Variants in TNR observed in about 807,000 individuals in gnomAD.
The protein encoded by TNR is tenascin-R.
Under a neutral mutation model 150.4 loss-of-function variants are expected in TNR, and 45 were observed. The ratio of observed to expected loss-of-function variants is 0.30; its 90% confidence interval spans 0.24 to 0.38. TNR has a LOEUF of 0.38. TNR is among the 10% of genes least tolerant of loss of function. The pLI is 1.00. For synonymous variants in TNR, 687 were observed against 678.4 expected, an observed-to-expected ratio of 1.01 and a Z score of -0.20; for missense variants, 1,544 against 1,759.1, an observed-to-expected ratio of 0.88 and a Z score of 2.19.
chr1:175,331,078 C>CTTTCTTTCTTTCTTTCTTTCT (rs57439733), intron 20 of TNR, among the ~76,000 whole-genome samples: 1 of 59,916 alleles, frequency 1.7e-5, no homozygotes, highest in African/African-American at 6.3e-5. Flanking sequence ...TCTTTCTTTC[C>CTTTCTTTCTTTCTTTCTTTCT]TTCTTTCTTT....
intron 2 of TNR, among the ~76,000 whole-genome samples, chr1:175,439,734 C>G (rs1655691764): frequency 6.6e-6 from 1 of 152,286 alleles, no homozygotes; most frequent in East Asian, 1.9e-4. Context: ...AGACACTTCT[C>G]AAAAGAAGAC....
chr1:175,727,321 A>G (rs1173519668), intron 1 of TNR, among the ~76,000 whole-genome samples: 6 of 152,270 alleles, frequency 3.9e-5, no homozygotes, highest in African/African-American at 1.4e-4. Flanking sequence ...AATAATGCTG[A>G]GAGGCCAAGT....
intron 18 of TNR, among the ~76,000 whole-genome samples, chr1:175,354,183 G>C (rs1385966941): frequency 6.6e-6 from 1 of 152,186 alleles, no homozygotes; most frequent in African/African-American, 2.4e-5. Context: ...TAATTGGTCC[G>C]GGTGGATCAG....
intron 2 of TNR, among the ~76,000 whole-genome samples, chr1:175,504,298 C>T (rs1430411393): frequency 1.3e-5 from 2 of 152,100 alleles, no homozygotes; most frequent in Non-Finnish European, 2.9e-5. Context: ...CTCTGTATCC[C>T]TTACAATACT....
intron 2 of TNR, among the ~76,000 whole-genome samples, chr1:175,480,284 C>T (rs1657724238): frequency 7.4e-6 from 1 of 134,410 alleles, no homozygotes; most frequent in South Asian, 2.3e-4. Flanking sequence ...AGAGGGAGGG[C>T]TGGACATAGT....
At chr1:175,542,904 A>G (rs980367054) in intron 1 of TNR, among the ~76,000 whole-genome samples, 10 of 152,246 alleles carry the variant, frequency 6.6e-5, no homozygotes, top group Non-Finnish European at 7.3e-5. Context: ...AAGCATTGAT[A>G]TATTTCTAGT....
In TNR at chr1:175,355,661, T is replaced by C. The variant is rs1327382098; in HGVS notation, c.3119-28A>G. ...GCAAAGAGGAGAAAGTGCCAGGGCATGCCTGCCTCTCCAGCTCCTCCCCCT... is the reference window on the plus strand; with the variant it reads ...GCAAAGAGGAGAAAGTGCCAGGGCACGCCTGCCTCTCCAGCTCCTCCCCCT... On this transcript the variant is annotated intron_variant, in intron 16 of 22. Coordinates refer to ENST00000367674, the MANE Select transcript of TNR (RefSeq NM_003285.3). 3.1e-6 allele frequency: 5 copies of C among 1,612,432 alleles called. No individual in the cohort carries two copies. In the South Asian group the frequency reaches 4.4e-5, roughly 14 times the overall value.
chr1:175,419,180 C>T lies in TNR; in HGVS notation c.-63-12403G>A, dbSNP rs189203172. On this transcript the variant is annotated intron_variant, in intron 2 of 22. Transcript: ENST00000367674. ...TTTTGCTCTCCATTAAGTTATACTG[C>T]ATCATCTTTGTTCATTATTGTTAAA... 6.9e-4 allele frequency among the ~76,000 whole-genome samples: 105 copies of T among 152,286 alleles called. 1 individual carries two copies. The highest frequency in any genetic ancestry group is 2.4e-3 in the African/African-American group (100 of 41,556).
intron 19 of TNR, 35 bp downstream of exon 19, chr1:175,337,493 C>A: frequency 6.2e-7 from 1 of 1,611,382 alleles, no homozygotes; most frequent in Non-Finnish European, 8.5e-7. Flanking sequence ...ACACTGAGGA[C>A]GCTTCTGTGC....
At chr1:175,590,467 G>C (rs982147732) in intron 1 of TNR, among the ~76,000 whole-genome samples, 1 of 152,206 alleles carries the variant, frequency 6.6e-6, no homozygotes, top group Non-Finnish European at 1.5e-5. Context: ...TGGTCCTGTT[G>C]AGGCATTGGT....
chr1:175,655,494 G>A (rs771529598), intron 1 of TNR, among the ~76,000 whole-genome samples: 7 of 152,210 alleles, frequency 4.6e-5, no homozygotes, highest in African/African-American at 1.7e-4. Context: ...TTCAGACCCA[G>A]ATCTGTGGGA....
chr1:175,700,039 T>C (rs1386643518), intron 1 of TNR, among the ~76,000 whole-genome samples: 1 of 146,838 alleles, frequency 6.8e-6, no homozygotes, highest in Non-Finnish European at 1.5e-5. Flanking sequence ...GGGGAGGGAG[T>C]GGGTAAGGCT....
At chr1:175,675,420 C>T (rs1665829280) in intron 1 of TNR, among the ~76,000 whole-genome samples, 1 of 152,220 alleles carries the variant, frequency 6.6e-6, no homozygotes, top group South Asian at 2.1e-4. Flanking sequence ...ATATTGCATT[C>T]ATGACTCCCC....
rs546829655 is a variant in TNR, at chr1:175,497,825, C to T, written c.-64+30444G>A. On this transcript the variant is annotated intron_variant, in intron 2 of 22. Transcript: ENST00000367674. ...CTGTAATCCTAGCACTTTGGGAGGCCGAGGTGGGCAGATCATCTTAGGTCA... is the reference window on the plus strand; with the variant it reads ...CTGTAATCCTAGCACTTTGGGAGGCTGAGGTGGGCAGATCATCTTAGGTCA... Among the ~76,000 whole-genome samples, 6 of 152,192 alleles carry T rather than the reference C, an allele frequency of 3.9e-5. No homozygotes were observed. In the South Asian group the frequency reaches 1.0e-3, roughly 26 times the overall value.
intron 18 of TNR, among the ~76,000 whole-genome samples, chr1:175,351,533 CCT>C (rs1651052202): frequency 6.6e-6 from 1 of 152,168 alleles, no homozygotes; most frequent in African/African-American, 2.4e-5. Context: ...ATCAGAGACC[CCT>C]CTTCTGTGCT....
intron 2 of TNR, among the ~76,000 whole-genome samples, chr1:175,517,992 C>A (rs1223328744): frequency 6.6e-6 from 1 of 152,076 alleles, no homozygotes; most frequent in Admixed American, 6.5e-5. Flanking sequence ...AACTGCAGAG[C>A]CTTGGAGAAA....
intron 1 of TNR, among the ~76,000 whole-genome samples, chr1:175,544,598 A>C (rs1660616176): frequency 6.6e-6 from 1 of 152,222 alleles, no homozygotes; most frequent in Non-Finnish European, 1.5e-5. Flanking sequence ...AGTCATAAGA[A>C]CATAGGTATA....
chr1:175,720,074 A>G (rs919155748), intron 1 of TNR, among the ~76,000 whole-genome samples: 1 of 152,212 alleles, frequency 6.6e-6, no homozygotes, highest in African/African-American at 2.4e-5. Flanking sequence ...ACTTACTGTT[A>G]TAGACTGGAT....
chr1:175,491,693 A>G (rs1658260014), intron 2 of TNR, among the ~76,000 whole-genome samples: 1 of 117,964 alleles, frequency 8.5e-6, no homozygotes, highest in Non-Finnish European at 1.6e-5. Context: ...TCTGTTGCCC[A>G]GGCTGGAGTG....
Sources: allele counts gnomAD v4.1 joint callset (sites outside exome capture counted in the v4.1 genomes callset), GRCh38; gene constraint gnomAD v4.1.1; transcripts MANE v1.5; gene names NCBI Gene and HGNC (gene_info 2026-07-23, HGNC 2026-07-21).